The following KIAA0825 variants were observed in gnomAD, a reference collection of about 807,000 sequenced individuals.
KIAA0825 encodes the protein uncharacterized protein KIAA0825.
Under a neutral mutation model 147.6 loss-of-function variants are expected in KIAA0825, and 119 were observed. That is an observed-to-expected ratio of 0.81 (90% CI 0.69 to 0.94). KIAA0825 has a LOEUF of 0.94. Ranked by LOEUF, KIAA0825 falls within the 40% of genes least tolerant of loss-of-function variation. The pLI is 0.00. For synonymous variants in KIAA0825, 470 were observed against 518.1 expected, an observed-to-expected ratio of 0.91 and a Z score of 1.26; for missense variants, 1,381 against 1,472.7, an observed-to-expected ratio of 0.94 and a Z score of 1.02.
At position 94,192,321 on chromosome 5, in the gene KIAA0825, A is replaced by G. The variant is rs1405575441; in HGVS notation, c.3711-38197T>C. 2.0e-5 allele frequency among the ~76,000 whole-genome samples: 3 copies of G among 152,198 alleles called. No individual in the cohort carries two copies. In the East Asian group the frequency reaches 5.8e-4, roughly 29 times the overall value. On this transcript the variant is annotated intron_variant, in intron 20 of 20. Coordinates refer to ENST00000682413, the MANE Select transcript of KIAA0825 (RefSeq NM_001145678.3). Reference sequence around the variant, plus strand: ...GCTTCATTCATGTAGTGCATATCCCACAAAATATAATTTACTGTAATTTCC... The same window carrying G: ...GCTTCATTCATGTAGTGCATATCCCGCAAAATATAATTTACTGTAATTTCC...
rs575858224 is a variant in KIAA0825 at position 94,196,921 on chromosome 5, A to G, written c.3711-42797T>C. On this transcript the variant is annotated intron_variant, in intron 20 of 20. Transcript: ENST00000682413. ...CTTTGCTATTGTGAATAGTGTGGCA[A>G]TGAATATACAAGTGCATGTGTCTTT... is the stretch of plus-strand genomic sequence containing the variant. Among the ~76,000 whole-genome samples the G allele has an allele frequency of 3.3e-5, 5 of 152,326 alleles. No individual in the cohort carries two copies. The East Asian group carries it at 7.7e-4, about 23-fold the overall frequency.
In KIAA0825 at chr5:94,552,056, T is replaced by G. The variant is rs2152259981; in HGVS notation, c.-1-14929A>C. Among the ~76,000 whole-genome samples, 3 of 151,660 alleles carry G rather than the reference T, an allele frequency of 2.0e-5. No homozygotes were observed. The South Asian group carries it at 6.3e-4, about 32-fold the overall frequency. ...CCCTCATCTGTAAAGACACACAGACTGAAAGTGAAGAGATGGAAAAAGATA... is the reference window on the plus strand; with the variant it reads ...CCCTCATCTGTAAAGACACACAGACGGAAAGTGAAGAGATGGAAAAAGATA... On this transcript the variant is annotated intron_variant, in intron 2 of 20. Coordinates refer to ENST00000682413, the MANE Select transcript of KIAA0825 (RefSeq NM_001145678.3).
intron 5 of KIAA0825, among the ~76,000 whole-genome samples, chr5:94,497,854 G>A (rs1363419794): frequency 6.6e-6 from 1 of 152,184 alleles, no homozygotes; most frequent in Non-Finnish European, 1.5e-5. Flanking sequence ...TGATGCTGCT[G>A]TGGATTTAGA....
chr5:94,529,225 A>G (rs1345707494), intron 3 of KIAA0825, among the ~76,000 whole-genome samples: 1 of 130,804 alleles, frequency 7.6e-6, no homozygotes, highest in Non-Finnish European at 1.6e-5. Flanking sequence ...ATATGTATGT[A>G]TCATATATAT....
intron 1 of KIAA0825, among the ~76,000 whole-genome samples, chr5:94,612,549 C>G (rs978108866): frequency 6.6e-6 from 1 of 152,106 alleles, no homozygotes; most frequent in Admixed American, 6.6e-5. Flanking sequence ...AAGCAGTCTC[C>G]CCAATAAACA....
intron 20 of KIAA0825, among the ~76,000 whole-genome samples, chr5:94,373,135 T>C (rs1169579429): frequency 1.3e-5 from 2 of 152,218 alleles, no homozygotes; most frequent in Admixed American, 1.3e-4. Flanking sequence ...TTCAAAACTT[T>C]CTCACATCTT....
At chr5:94,593,357 T>C (rs1053346964) in intron 1 of KIAA0825, 20 of 1,023,308 alleles carry the variant, frequency 2.0e-5, no homozygotes, top group Non-Finnish European at 4.6e-6. Flanking sequence ...TCTGTCTTGA[T>C]GGTCAACATA....
chr5:94,257,916 T>C (rs567863727), intron 20 of KIAA0825, among the ~76,000 whole-genome samples: 7 of 152,190 alleles, frequency 4.6e-5, no homozygotes, highest in East Asian at 1.9e-4. Flanking sequence ...GTATGCAACA[T>C]AGAATTTAAG....
chr5:94,501,048 A>G (rs955276514), intron 5 of KIAA0825, among the ~76,000 whole-genome samples: 1 of 151,610 alleles, frequency 6.6e-6, no homozygotes, highest in East Asian at 1.9e-4. Context: ...GAGCCACTGC[A>G]CCCGCCTCTT....
intron 20 of KIAA0825, among the ~76,000 whole-genome samples, chr5:94,276,340 C>A (rs750028604): frequency 2.6e-5 from 4 of 152,040 alleles, no homozygotes; most frequent in Non-Finnish European, 5.9e-5. Context: ...CCCAATTGCT[C>A]AGGTTGGTTT....
At chr5:94,286,482 A>G (rs528987269) in intron 20 of KIAA0825, among the ~76,000 whole-genome samples, 2 of 152,184 alleles carry the variant, frequency 1.3e-5, no homozygotes, top group Non-Finnish European at 2.9e-5. Flanking sequence ...ACTTATCTCT[A>G]TATCCTTTAG....
chr5:94,274,357 T>C (rs549878414), intron 20 of KIAA0825, among the ~76,000 whole-genome samples: 1 of 152,274 alleles, frequency 6.6e-6, no homozygotes, highest in South Asian at 2.1e-4. Flanking sequence ...GTGAGCAATA[T>C]GTCAATTTTA....
At position 94,424,036 on chromosome 5, in the gene KIAA0825, T is replaced by C. The variant is rs1754528599; in HGVS notation, c.2498-6671A>G. Among the ~76,000 whole-genome samples the C allele has an allele frequency of 2.0e-5, 3 of 152,172 alleles. No homozygotes were observed. In the South Asian group the frequency reaches 6.2e-4, roughly 32 times the overall value. ...TTATTTACAAAACTTTCAATTAATA[T>C]AACTTTTTTTACACAGATAATGAAC... On this transcript the variant is annotated intron_variant, in intron 14 of 20. Coordinates refer to ENST00000682413, the MANE Select transcript of KIAA0825 (RefSeq NM_001145678.3).
intron 20 of KIAA0825, among the ~76,000 whole-genome samples, chr5:94,209,127 T>C (rs1772471389): frequency 6.6e-6 from 1 of 152,216 alleles, no homozygotes. Flanking sequence ...TTTTAGGTAA[T>C]GGAAGTTTTC....
At chr5:94,282,697 C>T (rs1050172895) in intron 20 of KIAA0825, among the ~76,000 whole-genome samples, 5 of 152,024 alleles carry the variant, frequency 3.3e-5, no homozygotes, top group Non-Finnish European at 5.9e-5. Flanking sequence ...GACCAAGTTG[C>T]TTTTCTGCTG....
chr5:94,566,421 T>C (rs2152310552), intron 2 of KIAA0825, among the ~76,000 whole-genome samples: 1 of 152,320 alleles, frequency 6.6e-6, no homozygotes, highest in African/African-American at 2.4e-5. Context: ...AACAGTTTTA[T>C]ATAATTGCTG....
intron 12 of KIAA0825, among the ~76,000 whole-genome samples, chr5:94,455,012 T>C (rs1038985714): frequency 3.9e-5 from 6 of 152,134 alleles, no homozygotes; most frequent in Non-Finnish European, 7.4e-5. Flanking sequence ...GTATTTTTCT[T>C]AGTTTTAGGT....
intron 18 of KIAA0825, among the ~76,000 whole-genome samples, chr5:94,387,388 A>G (rs1028902928): frequency 6.6e-6 from 1 of 152,092 alleles, no homozygotes; most frequent in Non-Finnish European, 1.5e-5. Flanking sequence ...TTGAATCAGA[A>G]CCTGCCTGTT....
intron 20 of KIAA0825, among the ~76,000 whole-genome samples, chr5:94,370,673 G>A (rs781666669): frequency 2.6e-5 from 4 of 152,010 alleles, no homozygotes; most frequent in Non-Finnish European, 5.9e-5. Flanking sequence ...TTGGGAGGCC[G>A]AGGCGGGCAG....
Sources: gnomAD v4.1 joint callset for allele counts (sites outside exome capture counted in the v4.1 genomes callset) on GRCh38, gnomAD v4.1.1 for gene constraint, MANE v1.5 for transcripts, NCBI Gene and HGNC (gene_info 2026-07-23, HGNC 2026-07-21) for gene names.